The following ABCC11 variants were observed in gnomAD, a reference collection of about 807,000 sequenced individuals.
ABCC11 encodes the protein ATP-binding cassette sub-family C member 11.
In ABCC11, 135 loss-of-function variants were observed where a neutral mutation model predicts 149.3. The ratio of observed to expected loss-of-function variants is 0.90; its 90% CI spans 0.79 to 1.04. The LOEUF is 1.04. Ranked by LOEUF, ABCC11 falls within the 50% of genes least tolerant of loss-of-function variation. ABCC11 has a pLI of 0.00. For missense variants in ABCC11, 1,680 were observed against 1,722.1 expected (o/e 0.98, Z 0.43); for synonymous variants, 665 against 671.4 (o/e 0.99, Z 0.15).
At chr16:48,179,980 T>C (rs1318565224) in intron 23 of ABCC11, among the ~76,000 whole-genome samples, 1 of 152,224 alleles carries the variant, frequency 6.6e-6, no homozygotes, top group African/African-American at 2.4e-5. Flanking sequence ...GGCACCATGA[T>C]GAAATGGTGC....
In ABCC11 at chr16:48,216,165, T is replaced by C. The variant is rs192477122; in HGVS notation, c.900A>G (p.Gly300=). ...ICSISSYFII[G]YTAFIAILCY... ...ATAAGATGGCAATAAATGCAGTGTA[T>C]CCAATAATGAAGTAGGAAGAAATGC... Residue 300 remains glycine (G), a synonymous_variant, in exon 7 of 30, where the codon GGA becomes GGG. Coordinates refer to ENST00000356608, the MANE Select transcript of ABCC11 (RefSeq NM_001370497.1). 2.4e-5 allele frequency: 39 copies of C among 1,614,126 alleles called. No homozygotes were observed. In the East Asian group the frequency reaches 7.6e-4, roughly 31 times the overall value.
At chr16:48,240,688 G>A (rs1436828369) in intron 1 of ABCC11, among the ~76,000 whole-genome samples, 1 of 151,728 alleles carries the variant, frequency 6.6e-6, no homozygotes, top group Non-Finnish European at 1.5e-5. Flanking sequence ...AAAATATTAG[G>A]TTGGTGCAAA....
chr16:48,215,823 C>G (rs17822697), intron 7 of ABCC11, among the ~76,000 whole-genome samples: 4 of 152,108 alleles, frequency 2.6e-5, no homozygotes, highest in Non-Finnish European at 4.4e-5. Context: ...GGAGAAGAGA[C>G]GGAACAAAAA....
chr16:48,238,032 A>T (rs1177848639), intron 1 of ABCC11, among the ~76,000 whole-genome samples: 2 of 152,212 alleles, frequency 1.3e-5, no homozygotes, highest in Admixed American at 1.3e-4. Flanking sequence ...GAAAGCAGAA[A>T]TCTTGTCTGT....
chr16:48,187,750 T>C (rs565084307), intron 20 of ABCC11, among the ~76,000 whole-genome samples: 1 of 152,238 alleles, frequency 6.6e-6, no homozygotes, highest in Non-Finnish European at 1.5e-5. Flanking sequence ...CTGAAGTGTA[T>C]AATTAAAAGG....
rs1239984451 is a variant in ABCC11 at position 48,214,913 on chromosome 16, T to C, written c.1216A>G (p.Thr406Ala). 1.2e-6 allele frequency: 2 copies of C among 1,614,070 alleles called. No homozygotes were observed. The highest frequency in any genetic ancestry group is 3.3e-5 in the Admixed American group (2 of 60,006). ...GCTGTGAGTTTCAGCTTTAAGGATG[T>C]GTGGATGAGAACCCAGACCGCTGTG... is the stretch of plus-strand genomic sequence containing the variant. Reference protein sequence around the residue: ...VATAVWVLIHTSLKLKLTASM... With the variant: ...VATAVWVLIHASLKLKLTASM... The change falls in exon 9 of 30, where the codon ACA becomes GCA. Residue 406 changes from threonine (T) to alanine (A), a missense_variant. Coordinates refer to ENST00000356608, the MANE Select transcript of ABCC11 (RefSeq NM_001370497.1).
chr16:48,218,794 C>G (rs1969526004), intron 6 of ABCC11, among the ~76,000 whole-genome samples: 1 of 152,194 alleles, frequency 6.6e-6, no homozygotes, highest in Non-Finnish European at 1.5e-5. Flanking sequence ...GATTGTGAGG[C>G]CTCCCCAGCC....
chr16:48,207,860 C>G (rs1968577079), intron 12 of ABCC11, among the ~76,000 whole-genome samples: 1 of 101,252 alleles, frequency 9.9e-6, no homozygotes, highest in Non-Finnish European at 2.8e-5. Context: ...CATAGGTACC[C>G]CACTGCCAGA....
intron 14 of ABCC11, among the ~76,000 whole-genome samples, chr16:48,201,109 T>C (rs1229965408): frequency 6.6e-6 from 1 of 152,230 alleles, no homozygotes; most frequent in Admixed American, 6.5e-5. Flanking sequence ...ATCCCCTGAA[T>C]CTAAATTTAA....
chr16:48,184,918 A>G (rs1309925923), intron 22 of ABCC11, among the ~76,000 whole-genome samples: 1 of 152,162 alleles, frequency 6.6e-6, no homozygotes, highest in Admixed American at 6.5e-5. Flanking sequence ...AGTTACCCCA[A>G]ATTGGCCACA....
rs1468054751 is a variant in ABCC11 at position 48,184,543 on chromosome 16, A to G, written c.3155T>C (p.Ile1052Thr). ...STRWMALRLE[I>T]MTNLVTLAVA... Reference sequence around the variant, plus strand: ...AGCCAAGGTCACAAGGTTGGTCATGATCTCCAGCCTCAATGCCATCCATCG... The same window carrying G: ...AGCCAAGGTCACAAGGTTGGTCATGGTCTCCAGCCTCAATGCCATCCATCG... Residue 1052 changes from isoleucine (I) to threonine (T), a missense_variant, in exon 23 of 30, where the codon ATC becomes ACC. By Grantham distance (89) the Ile-to-Thr change is moderately conservative. Transcript: ENST00000356608. 4 of 1,614,136 alleles carry G rather than the reference A, an allele frequency of 2.5e-6. No homozygotes were observed. The highest frequency in any genetic ancestry group is 3.4e-6 in the Non-Finnish European group (4 of 1,180,052).
In ABCC11 at chr16:48,187,194, T is replaced by C. The variant is rs1277458618; in HGVS notation, c.2933+7A>G. The stretch of plus-strand genomic sequence containing the variant: ...CCCCAAGTCACAAGCAAAAAGAACC[T>C]ACTCACATATAATAAATGAAGCAAA... On this transcript the variant is annotated splice_region_variant and intron_variant, in intron 21 of 29. Transcript: ENST00000356608. 1 of 1,613,916 alleles carries C rather than the reference T, an allele frequency of 6.2e-7. No homozygotes were observed. Among genetic ancestry groups the C allele is most frequent in the Non-Finnish European group, 8.5e-7 (1 of 1,179,908 alleles).
At chr16:48,237,324 T>C (rs989226596) in intron 1 of ABCC11, among the ~76,000 whole-genome samples, 1 of 152,218 alleles carries the variant, frequency 6.6e-6, no homozygotes. Context: ...CTTCAGCTAC[T>C]GGCTCAACCT....
chr16:48,192,974 G>A (rs1051564290), intron 19 of ABCC11, among the ~76,000 whole-genome samples: 5 of 152,162 alleles, frequency 3.3e-5, no homozygotes, highest in South Asian at 4.1e-4. Context: ...GTGATGCAGC[G>A]AGAAGCTTGG....
At chr16:48,171,257 C>A (rs2150714774) in intron 26 of ABCC11, among the ~76,000 whole-genome samples, 1 of 152,306 alleles carries the variant, frequency 6.6e-6, no homozygotes, top group Middle Eastern at 3.4e-3. Context: ...CAAGGATAAG[C>A]CAATCGACAT....
intron 18 of ABCC11, among the ~76,000 whole-genome samples, chr16:48,195,731 C>G (rs1429435624): frequency 6.6e-6 from 1 of 152,132 alleles, no homozygotes; most frequent in Non-Finnish European, 1.5e-5. Flanking sequence ...AAATAAAAGT[C>G]CCACCACTGT....
chr16:48,169,104 A>T (rs575050818), intron 28 of ABCC11, among the ~76,000 whole-genome samples: 1 of 152,362 alleles, frequency 6.6e-6, no homozygotes, highest in South Asian at 2.1e-4. Flanking sequence ...AGCATCTGTC[A>T]TCCAATTCCC....
At chr16:48,194,695 T>A (rs113122540) in intron 18 of ABCC11, among the ~76,000 whole-genome samples, 116 of 152,320 alleles carry the variant, frequency 7.6e-4, no homozygotes, top group African/African-American at 2.6e-3. Context: ...CCTTTCACCA[T>A]GTAAGGATAC....
At chr16:48,213,329 C>A in intron 10 of ABCC11, 114 bp downstream of exon 10, 4 of 839,718 alleles carry the variant, frequency 4.8e-6, no homozygotes, top group African/African-American at 1.7e-5. Flanking sequence ...GTTAGCTAAT[C>A]CCTCTCTCGA....
Sources: allele counts gnomAD v4.1 joint callset (sites outside exome capture counted in the v4.1 genomes callset), GRCh38; gene constraint gnomAD v4.1.1; transcripts MANE v1.5; gene names NCBI Gene and HGNC (gene_info 2026-07-23, HGNC 2026-07-21).